ADAMTSL1: variants seen among roughly 807,000 people sequenced by gnomAD.
ADAMTSL1 encodes the protein ADAMTS-like protein 1.
Under a neutral mutation model 201.8 loss-of-function variants are expected in ADAMTSL1, and 126 were observed. The observed-to-expected ratio is 0.62, with a 90% CI of 0.54 to 0.72. ADAMTSL1 has a LOEUF of 0.72. Among genes scored for constraint, ADAMTSL1 ranks in the 30% least tolerant of loss-of-function variants. The pLI is 0.00. For synonymous variants in ADAMTSL1, 1,121 were observed against 903.4 expected, an observed-to-expected ratio of 1.24 and a Z score of -4.32; for missense variants, 2,679 against 2,277.8, an observed-to-expected ratio of 1.18 and a Z score of -3.59.
At chr9:17,964,284 T>C (rs1817886036) in intron 1 of ADAMTSL1, among the ~76,000 whole-genome samples, 1 of 152,186 alleles carries the variant, frequency 6.6e-6, no homozygotes, top group South Asian at 2.1e-4. Flanking sequence ...TGTCGTCCTT[T>C]CCTCTTTGGT....
intron 23 of ADAMTSL1, among the ~76,000 whole-genome samples, chr9:18,836,542 T>C (rs1825319468): frequency 6.6e-6 from 1 of 152,084 alleles, no homozygotes; most frequent in Admixed American, 6.6e-5. Context: ...GATGCTTCTA[T>C]CTTTGTTCTT....
At position 18,635,952 on chromosome 9, in the gene ADAMTSL1, C is replaced by T. The variant is rs1473503207; in HGVS notation, c.611C>T (p.Thr204Ile). ...SQLSATKSDD[T>I]VVAIPYGSRH... Reference sequence around the variant, plus strand: ...CTTTGTTTCTCTCTAGCGGATGATACTGTGGTTGCAATTCCCTATGGAAGT... The same window carrying T: ...CTTTGTTTCTCTCTAGCGGATGATATTGTGGTTGCAATTCCCTATGGAAGT... The change falls in exon 6 of 29, where the codon ACT becomes ATT. Residue 204 changes from threonine to isoleucine, a missense_variant. Coordinates refer to ENST00000380548, the MANE Select transcript of ADAMTSL1 (RefSeq NM_001040272.6). 6.2e-7 allele frequency: 1 copy of T among 1,601,138 alleles called. No homozygotes were observed. The highest frequency in any genetic ancestry group is 8.5e-7 in the Non-Finnish European group (1 of 1,177,036).
intron 10 of ADAMTSL1, 138 bp downstream of exon 10, chr9:18,676,045 A>G (rs549665475): frequency 9.5e-6 from 8 of 844,796 alleles, no homozygotes; most frequent in East Asian, 2.7e-5. Context: ...TTTGCAATCC[A>G]TCCTGAGTTC....
intron 1 of ADAMTSL1, among the ~76,000 whole-genome samples, chr9:17,939,838 A>G (rs925542858): frequency 6.6e-6 from 1 of 152,152 alleles, no homozygotes; most frequent in Non-Finnish European, 1.5e-5. Flanking sequence ...TATATCTACT[A>G]TGATGAATGT....
intron 16 of ADAMTSL1, among the ~76,000 whole-genome samples, chr9:18,766,506 C>A (rs757844142): frequency 1.3e-5 from 2 of 152,122 alleles, no homozygotes; most frequent in African/African-American, 4.8e-5. Flanking sequence ...CATCTATATC[C>A]TGCTAGAAAC....
chr9:18,455,351 A>G (rs1227179485), intron 2 of ADAMTSL1, among the ~76,000 whole-genome samples: 4 of 152,186 alleles, frequency 2.6e-5, no homozygotes, highest in Non-Finnish European at 5.9e-5. Flanking sequence ...AACAAAAACC[A>G]TATGTTTTAA....
chr9:18,699,320 CTTTT>C (rs34869167), intron 13 of ADAMTSL1, among the ~76,000 whole-genome samples: 1 of 120,290 alleles, frequency 8.3e-6, no homozygotes, highest in African/African-American at 3.1e-5. Context: ...GGGTTTTTTA[CTTTT>C]TTTTTTTTTT....
At position 18,330,787 on chromosome 9, in the gene ADAMTSL1, A is replaced by G. The variant is rs1455331910; in HGVS notation, c.207+166806A>G. 2.6e-5 allele frequency among the ~76,000 whole-genome samples: 4 copies of G among 152,302 alleles called. No individual in the cohort carries two copies. The East Asian group carries it at 7.7e-4, about 29-fold the overall frequency. On this transcript the variant is annotated intron_variant, in intron 2 of 29. Coordinates refer to the ADAMTSL1 transcript ENST00000680146. ...TTAAGATATGGCACTAAGCAAACCA[A>G]TAGTTGGGGATTATATTTTACAAAA...
intron 1 of ADAMTSL1, among the ~76,000 whole-genome samples, chr9:18,043,980 GCGTGCCT>G (rs1179297444): frequency 7.5e-5 from 11 of 146,784 alleles, no homozygotes; most frequent in Admixed American, 4.2e-4. Context: ...CTTCATGGAT[GCGTGCCT>G]TCCCATCTAG....
intron 1 of ADAMTSL1, among the ~76,000 whole-genome samples, chr9:18,149,196 G>A (rs1826793557): frequency 6.6e-6 from 1 of 151,990 alleles, no homozygotes; most frequent in African/African-American, 2.4e-5. Flanking sequence ...CATCGGGCAA[G>A]GAGTCAGACT....
chr9:18,751,694 C>G (rs1268810928), intron 15 of ADAMTSL1, among the ~76,000 whole-genome samples: 1 of 152,114 alleles, frequency 6.6e-6, no homozygotes, highest in Non-Finnish European at 1.5e-5. Context: ...GGTAGAATAA[C>G]TGTAATACAA....
chr9:18,368,398 C>A (rs965286133), intron 2 of ADAMTSL1, among the ~76,000 whole-genome samples: 2 of 152,176 alleles, frequency 1.3e-5, no homozygotes, highest in Non-Finnish European at 2.9e-5. Flanking sequence ...GAGATGCCTG[C>A]GGTCCATGAC....
intron 2 of ADAMTSL1, among the ~76,000 whole-genome samples, chr9:18,441,658 C>T (rs927312132): frequency 6.6e-6 from 1 of 151,020 alleles, no homozygotes; most frequent in Admixed American, 6.6e-5. Flanking sequence ...CTTCAAAGAC[C>T]TGCTGAGTTT....
chr9:18,816,971 T>G, intron 20 of ADAMTSL1, 138 bp from the exon 21 acceptor site: 6 of 1,145,016 alleles, frequency 5.2e-6, no homozygotes, highest in Non-Finnish European at 7.2e-6. Context: ...CGCTTGCAAT[T>G]TTTCAAGAGA....
In ADAMTSL1 at chr9:18,595,841, A is replaced by C. The variant is rs932123021; in HGVS notation, c.474+21575A>C. On this transcript the variant is annotated intron_variant, in intron 4 of 28. Transcript: ENST00000380548. Reference sequence around the variant, plus strand: ...AGGGACTGGGCTGTTTCTGGGCTTGAACCCAGAAGCAAGTTTGGCAGAGCA... The same window carrying C: ...AGGGACTGGGCTGTTTCTGGGCTTGCACCCAGAAGCAAGTTTGGCAGAGCA... Among the ~76,000 whole-genome samples, 3 of 152,278 alleles carry C rather than the reference A, an allele frequency of 2.0e-5. No individual in the cohort carries two copies. The East Asian group carries it at 5.8e-4, about 29-fold the overall frequency.
chr9:18,174,397 T>A (rs1423900610), intron 2 of ADAMTSL1, among the ~76,000 whole-genome samples: 1 of 152,144 alleles, frequency 6.6e-6, no homozygotes, highest in African/African-American at 2.4e-5. Context: ...AACAAGGTCA[T>A]TTGGCATCAG....
chr9:18,394,583 A>G (rs1817675254), intron 2 of ADAMTSL1, among the ~76,000 whole-genome samples: 1 of 152,246 alleles, frequency 6.6e-6, no homozygotes, highest in African/African-American at 2.4e-5. Context: ...CAAAAAGCTC[A>G]TTCTTGTATT....
chr9:18,388,891 G>A (rs1837925314), intron 2 of ADAMTSL1, among the ~76,000 whole-genome samples: 1 of 151,856 alleles, frequency 6.6e-6, no homozygotes, highest in African/African-American at 2.4e-5. Flanking sequence ...TGAGTAGCTG[G>A]GATTACAGGT....
chr9:18,865,196 C>A (rs1441092917), intron 23 of ADAMTSL1, among the ~76,000 whole-genome samples: 2 of 152,250 alleles, frequency 1.3e-5, no homozygotes, highest in East Asian at 1.9e-4. Context: ...CCCGCTCCCC[C>A]CACCCCACAA....
Sources: gnomAD v4.1 joint callset for allele counts (sites outside exome capture counted in the v4.1 genomes callset) on GRCh38, gnomAD v4.1.1 for gene constraint, MANE v1.5 for transcripts, NCBI Gene and HGNC (gene_info 2026-07-23, HGNC 2026-07-21) for gene names.